ZDHHC7: variants seen among roughly 807,000 people sequenced by gnomAD.
ZDHHC7 encodes the protein zDHHC palmitoyltransferase 7, also known as palmitoyltransferase ZDHHC7.
A neutral mutation model predicts 34.1 loss-of-function variants in ZDHHC7; 12 were observed. The observed-to-expected ratio is 0.35, with a 90% CI of 0.23 to 0.57. The LOEUF (loss-of-function observed/expected upper bound fraction) is 0.57, where lower values mean the gene tolerates loss of function less well. Ranked by LOEUF, ZDHHC7 falls within the 20% of genes least tolerant of loss-of-function variation. ZDHHC7 has a pLI of 0.84. For missense variants in ZDHHC7, 388 were observed against 402.7 expected, an observed-to-expected ratio of 0.96 and a Z score of 0.31; for synonymous variants, 185 against 155.4, an observed-to-expected ratio of 1.19 and a Z score of -1.42.
chr16:84,981,943 G>T lies in ZDHHC7; in HGVS notation c.367C>A (p.Leu123Met). The T allele has an allele frequency of 6.2e-7, 1 of 1,614,238 alleles. No individual in the cohort carries two copies. The highest frequency in any genetic ancestry group is 8.5e-7 in the Non-Finnish European group (1 of 1,180,044). Residue 123 changes from leucine to methionine, a missense_variant, in exon 4 of 8, where the codon CTG becomes ATG. Physicochemically the swap from Leu to Met is conservative, Grantham distance 15. Coordinates refer to ENST00000313732, the MANE Select transcript of ZDHHC7 (RefSeq NM_017740.3). ...TTGTAGATGACTTCCCCGGGCTTCAGCTGCAAGCTCTCCATGTATTCTTTC... is the reference window on the plus strand; with the variant it reads ...TTGTAGATGACTTCCCCGGGCTTCATCTGCAAGCTCTCCATGTATTCTTTC... ...ATKEYMESLQ[L>M]KPGEVIYKCP...
chr16:85,012,333 G>C (rs958955581), upstream of ZDHHC7, among the ~76,000 whole-genome samples: 13 of 146,088 alleles, frequency 8.9e-5, no homozygotes, highest in African/African-American at 3.3e-4. Flanking sequence ...GCAGTGAGCT[G>C]AGATCAAGCC....
chr16:84,974,692 G>T lies in ZDHHC7; in HGVS notation c.*1651C>A, dbSNP rs2072271608. ...CAAATGAATATGCAGAACAATCTCGGAAACTGGCGTCTCCAGGATCACCCA... is the reference window on the plus strand; with the variant it reads ...CAAATGAATATGCAGAACAATCTCGTAAACTGGCGTCTCCAGGATCACCCA... On this transcript the variant is annotated 3_prime_UTR_variant, in exon 8 of 8. Coordinates refer to ENST00000313732, the MANE Select transcript of ZDHHC7 (RefSeq NM_017740.3). The T allele has an allele frequency of 6.6e-6, 1 of 152,666 alleles. No individual in the cohort carries two copies. The highest frequency in any genetic ancestry group is 1.5e-5 in the Non-Finnish European group (1 of 68,060). The allele number at this position is 152,666 out of a possible 1,614,324, so 9.5% of individuals were successfully genotyped here.
chr16:85,024,438 G>A, the ZDHHC7 span, among the ~76,000 whole-genome samples: 9 of 152,034 alleles, frequency 5.9e-5, no homozygotes, highest in Non-Finnish European at 1.0e-4. Context: ...TCACCATGTT[G>A]GCCAGGCTGG....
chr16:85,010,311 G>A (rs1323105460), intron 1 of ZDHHC7, among the ~76,000 whole-genome samples: 2 of 152,066 alleles, frequency 1.3e-5, no homozygotes, highest in Non-Finnish European at 2.9e-5. Flanking sequence ...CATGAGCCAC[G>A]AGCCACCGCG....
chr16:84,977,362 A>G (rs2072311883), intron 6 of ZDHHC7, 137 bp from the exon 7 acceptor site: 1 of 1,141,834 alleles, frequency 8.8e-7, no homozygotes, highest in Admixed American at 2.5e-5. Flanking sequence ...AAATGGGCAC[A>G]TTCATTGTTC....
chr16:84,994,161 G>A (rs1158889640), intron 2 of ZDHHC7, among the ~76,000 whole-genome samples: 2 of 152,202 alleles, frequency 1.3e-5, no homozygotes, highest in African/African-American at 4.8e-5. Flanking sequence ...CCCCTCCAGG[G>A]GGGTCTGGGT....
chr16:85,020,563 C>G, the ZDHHC7 span, among the ~76,000 whole-genome samples: 1 of 152,138 alleles, frequency 6.6e-6, no homozygotes, highest in African/African-American at 2.4e-5. Context: ...AGCAAAGGAG[C>G]TTGAGGTCAA....
chr16:85,017,362 G>A, the ZDHHC7 span, among the ~76,000 whole-genome samples: 2 of 152,000 alleles, frequency 1.3e-5, no homozygotes, highest in African/African-American at 4.8e-5. Flanking sequence ...CACCACCAAG[G>A]GTTGGCCAAA....
intron 5 of ZDHHC7, 81 bp from the exon 6 acceptor site, chr16:84,978,086 G>T: frequency 8.9e-7 from 1 of 1,129,290 alleles, no homozygotes; most frequent in Admixed American, 2.2e-5. Context: ...TGTCCAGGCT[G>T]GAATGCAGCG....
At chr16:84,998,002 T>C (rs1379564454) in intron 1 of ZDHHC7, among the ~76,000 whole-genome samples, 1 of 146,764 alleles carries the variant, frequency 6.8e-6, no homozygotes, top group East Asian at 2.0e-4. Context: ...AGATCGGGTC[T>C]GTAATCCCAG....
At chr16:84,985,427 G>A (rs1210500882) in intron 3 of ZDHHC7, among the ~76,000 whole-genome samples, 1 of 152,266 alleles carries the variant, frequency 6.6e-6, no homozygotes, top group Non-Finnish European at 1.5e-5. Flanking sequence ...GGCCGGGCCT[G>A]TGGATCTGCC....
At position 84,990,530 on chromosome 16, in the gene ZDHHC7, G is replaced by A. The variant is rs781697601; in HGVS notation, c.89C>T (p.Ser30Phe). ...NDNYDSSSSS[S>F]SEADVADRVW... ...CCGGTCAGCCACGTCAGCCTCGGAG[G>A]AGGAGGACGATGAAGAGTCATAGTT... The change falls in exon 3 of 8, where the codon TCC (serine) becomes TTC (phenylalanine). Residue 30 changes from serine to phenylalanine, a missense_variant. Transcript: ENST00000313732. The A allele has an allele frequency of 1.2e-6, 2 of 1,614,082 alleles. No individual in the cohort carries two copies. The highest frequency in any genetic ancestry group is 1.3e-5 in the African/African-American group (1 of 74,928).
chr16:85,004,660 A>G (rs981001477), intron 1 of ZDHHC7, among the ~76,000 whole-genome samples: 5 of 145,522 alleles, frequency 3.4e-5, no homozygotes, highest in East Asian at 1.9e-4. Context: ...AATGTTACTC[A>G]TAGTATCCCC....
the ZDHHC7 span, among the ~76,000 whole-genome samples, chr16:85,027,568 G>A: frequency 6.6e-6 from 1 of 152,222 alleles, no homozygotes; most frequent in African/African-American, 2.4e-5. Context: ...AGCAGAGCCA[G>A]CAAGGGGGCG....
chr16:85,008,349 G>A (rs370501869), intron 1 of ZDHHC7, among the ~76,000 whole-genome samples: 1 of 151,942 alleles, frequency 6.6e-6, no homozygotes, highest in Admixed American at 6.5e-5. Context: ...AGCTTCCCAG[G>A]CTGGCAATAC....
At chr16:84,976,558 G>A (rs1597527037) in intron 7 of ZDHHC7, 39 bp from the exon 8 acceptor site, 1 of 1,601,226 alleles carries the variant, frequency 6.2e-7, no homozygotes, top group Non-Finnish European at 8.5e-7. Flanking sequence ...GCGGCTCCAG[G>A]AAGCTCGGCA....
At chr16:85,001,992 TACAC>T (rs2072659297) in intron 1 of ZDHHC7, among the ~76,000 whole-genome samples, 1 of 151,972 alleles carries the variant, frequency 6.6e-6, no homozygotes, top group Non-Finnish European at 1.5e-5. Context: ...GTGTTCACAA[TACAC>T]ACACACAATC....
In ZDHHC7 at chr16:84,975,465, G is replaced by T. The variant is rs1174730963; in HGVS notation, c.*878C>A. On this transcript the variant is annotated 3_prime_UTR_variant, in exon 8 of 8. Coordinates refer to ENST00000313732, the MANE Select transcript of ZDHHC7 (RefSeq NM_017740.3). ...TGGCTGGAACAAAAAAAAAAAATCA[G>T]TTCCAAGGCCCTCAAGCACTCAAGA... The T allele has an allele frequency of 6.6e-6, 1 of 152,230 alleles. No individual in the cohort carries two copies. The highest frequency in any genetic ancestry group is 1.5e-5 in the Non-Finnish European group (1 of 67,968). 9.4% of individuals were successfully genotyped at this position (152,230 alleles called of 1,614,324 possible).
In ZDHHC7 at chr16:84,976,361, G is replaced by T; in HGVS notation, c.909C>A (p.Gly303=). ...CCACGCCTCACACTGAGAACTCCGG[G>T]CCACCTTTTCTGGGTCTCGTGGGCA... ...RRLPTRPRKG[G]PEFSV Residue 303 remains glycine (G), a synonymous_variant, in exon 8 of 8, where the codon GGC becomes GGA. Coordinates refer to ENST00000313732, the MANE Select transcript of ZDHHC7 (RefSeq NM_017740.3). The T allele has an allele frequency of 6.2e-7, 1 of 1,614,012 alleles. No homozygotes were observed. Among genetic ancestry groups the T allele is most frequent in the Non-Finnish European group, 8.5e-7 (1 of 1,180,006 alleles).
Sources: allele counts gnomAD v4.1 joint callset (sites outside exome capture counted in the v4.1 genomes callset), GRCh38; gene constraint gnomAD v4.1.1; transcripts MANE v1.5; gene names NCBI Gene and HGNC (gene_info 2026-07-23, HGNC 2026-07-21).